The following UNC80 variants were observed in gnomAD, a reference collection of about 807,000 sequenced individuals.
UNC80 encodes unc-80 subunit of NALCN channel complex.
In UNC80, 164 loss-of-function variants were observed where a neutral mutation model predicts 384.6. The observed-to-expected ratio is 0.43, with a 90% CI of 0.38 to 0.49. UNC80 has a LOEUF of 0.49. Ranked by LOEUF, UNC80 falls within the 20% of genes least tolerant of loss-of-function variation. UNC80 has a pLI of 0.00. For synonymous variants in UNC80, 1,486 were observed against 1,527.8 expected (o/e 0.97, Z 0.64); for missense variants, 3,330 against 4,143.0 (o/e 0.80, Z 5.39).
chr2:209,827,662 A>T (rs118081175), intron 14 of UNC80, among the ~76,000 whole-genome samples: 1 of 152,306 alleles, frequency 6.6e-6, no homozygotes, highest in East Asian at 1.9e-4. Flanking sequence ...AGATATAAAT[A>T]TGGGAAATTT....
intron 39 of UNC80, 59 bp downstream of exon 39, chr2:209,934,064 T>C: frequency 7.0e-7 from 1 of 1,423,054 alleles, no homozygotes; most frequent in Non-Finnish European, 9.4e-7. Flanking sequence ...AATAGCCCTT[T>C]GAAAGACTAA....
chr2:209,978,316 G>T (rs2093063240), intron 58 of UNC80, among the ~76,000 whole-genome samples: 1 of 152,094 alleles, frequency 6.6e-6, no homozygotes, highest in South Asian at 2.1e-4. Context: ...TTATGTTCTG[G>T]CAAGGGAACT....
chr2:209,987,286 A>C (rs1376112027), intron 61 of UNC80, among the ~76,000 whole-genome samples: 1 of 152,104 alleles, frequency 6.6e-6, no homozygotes, highest in Non-Finnish European at 1.5e-5. Context: ...TGCCATACCT[A>C]TAGAAAATTA....
chr2:209,984,796 T>A (rs2093247239), intron 60 of UNC80, 60 bp from the exon 61 acceptor site: 1 of 1,483,980 alleles, frequency 6.7e-7, no homozygotes, highest in Non-Finnish European at 9.0e-7. Context: ...CTTTTTTCTT[T>A]TTTCTTTTTT....
chr2:209,789,778 T>A (rs1244533511), intron 6 of UNC80, among the ~76,000 whole-genome samples, 173 bp downstream of exon 6: 1 of 152,036 alleles, frequency 6.6e-6, no homozygotes, highest in Non-Finnish European at 1.5e-5. Flanking sequence ...TGAAAATTAA[T>A]TTTCTGTATC....
intron 56 of UNC80, among the ~76,000 whole-genome samples, chr2:209,974,837 G>C (rs2092970273): frequency 6.6e-6 from 1 of 152,246 alleles, no homozygotes. Context: ...GTGGAAAGTA[G>C]AATGGCAGAA....
intron 18 of UNC80, among the ~76,000 whole-genome samples, chr2:209,836,006 G>A (rs1335010636): frequency 6.6e-6 from 1 of 152,216 alleles, no homozygotes; most frequent in Non-Finnish European, 1.5e-5. Flanking sequence ...CATGGGCTCA[G>A]GGAACATGTG....
At chr2:209,921,153 G>A (rs139260664) in intron 33 of UNC80, among the ~76,000 whole-genome samples, 197 of 152,234 alleles carry the variant, frequency 1.3e-3, no homozygotes, top group Non-Finnish European at 2.0e-3. Context: ...TTTAAAAACA[G>A]TTCAAAACAT....
intron 13 of UNC80, among the ~76,000 whole-genome samples, chr2:209,823,824 A>C (rs1299529013): frequency 6.6e-6 from 1 of 152,042 alleles, no homozygotes; most frequent in Non-Finnish European, 1.5e-5. Flanking sequence ...CCAAGGTTAT[A>C]TAGTTAGTAA....
intron 23 of UNC80, among the ~76,000 whole-genome samples, chr2:209,875,081 T>G (rs369306382): frequency 3.9e-4 from 59 of 152,282 alleles, no homozygotes; most frequent in African/African-American, 1.4e-3. Flanking sequence ...TCTCCTCTCA[T>G]TTAATGCATC....
rs2079550082 is a variant in UNC80, at chr2:209,814,012, GCTTTAGCA to G, written c.1200+175_1200+182del. On this transcript the variant is annotated intron_variant, in intron 8 of 64. Transcript: ENST00000673920. ...ATCTTGCATGCTTGACCCTTTGCTG[GCTTTAGCA>G]CTTAATCATTTGAAGAAGTGCACCT... 3.3e-5 allele frequency among the ~76,000 whole-genome samples: 5 copies of G among 152,152 alleles called. No individual in the cohort carries two copies. The South Asian group carries it at 1.0e-3, about 32-fold the overall frequency.
Position 209,922,339 on chromosome 2 carries a change from G to T in UNC80, c.5618G>T (p.Arg1873Leu), listed in dbSNP as rs1051195562. 2.6e-6 allele frequency: 4 copies of T among 1,551,784 alleles called. No homozygotes were observed. Among genetic ancestry groups the T allele is most frequent in the Non-Finnish European group, 3.5e-6 (4 of 1,146,982 alleles). ...ACTTCCCACAGGAATTATTCCTTCCGCCGCGGGTCAGTCTGGTCAGTGCGT... is the reference window on the plus strand; with the variant it reads ...ACTTCCCACAGGAATTATTCCTTCCTCCGCGGGTCAGTCTGGTCAGTGCGT... ...SSTSHRNYSF[R>L]RGSVWSVRSA... The change falls in exon 35 of 65, where the codon CGC (arginine) becomes CTC (leucine). Residue 1873 changes from arginine to leucine, a missense_variant. Around this residue, in one of 8 missense-constraint regions of UNC80, gnomAD observed 1,049 missense variants for 1,488.6 expected, o/e 0.70. Coordinates refer to ENST00000673920, the MANE Select transcript of UNC80 (RefSeq NM_001371986.1).
rs745795669 is a variant in UNC80 at position 209,976,313 on chromosome 2, G to A, written c.8772+10G>A. Reference sequence around the variant, plus strand: ...TTTCATCCAGTGCAAGGTGTGGTGTGTGCTTCTCCTCCTGAAAGTGGCAAG... The same window carrying A: ...TTTCATCCAGTGCAAGGTGTGGTGTATGCTTCTCCTCCTGAAAGTGGCAAG... On this transcript the variant is annotated intron_variant, in intron 57 of 64. Transcript: ENST00000673920. The surrounding 1 kb of genome is among the most constrained non-coding windows in gnomAD (Gnocchi z 4.3). The A allele has an allele frequency of 2.1e-5, 32 of 1,551,662 alleles. No individual in the cohort carries two copies. Among genetic ancestry groups the A allele is most frequent in the Non-Finnish European group, 2.8e-5 (32 of 1,146,984 alleles).
intron 21 of UNC80, among the ~76,000 whole-genome samples, chr2:209,846,326 G>A (rs1219911659): frequency 6.6e-6 from 1 of 151,944 alleles, no homozygotes; most frequent in African/African-American, 2.4e-5. Context: ...TTTCTTTTGT[G>A]TTTTCATATT....
intron 51 of UNC80, among the ~76,000 whole-genome samples, chr2:209,966,739 C>G (rs376558059): frequency 2.6e-5 from 4 of 152,174 alleles, no homozygotes; most frequent in African/African-American, 9.7e-5. Flanking sequence ...CTGTATGGAA[C>G]CGAGTTGGGA....
At chr2:209,920,542 T>C (rs2089952403) in intron 33 of UNC80, among the ~76,000 whole-genome samples, 1 of 152,206 alleles carries the variant, frequency 6.6e-6, no homozygotes, top group Non-Finnish European at 1.5e-5. Context: ...TGATCCTTCA[T>C]CTATGGAGGA....
rs184936863 is a variant in UNC80 at position 209,793,474 on chromosome 2, A to G, written c.799-246A>G. Among the ~76,000 whole-genome samples the G allele has an allele frequency of 2.0e-5, 3 of 152,342 alleles. No individual in the cohort carries two copies. In the East Asian group the frequency reaches 5.8e-4, roughly 29 times the overall value. On this transcript the variant is annotated intron_variant, in intron 6 of 64. Coordinates refer to ENST00000673920, the MANE Select transcript of UNC80 (RefSeq NM_001371986.1). ...AGAAAATAATTAAGAATAAAATGAA[A>G]TAAAATATATGAAATTACTTTGCCT... is the stretch of plus-strand genomic sequence containing the variant.
At chr2:209,883,660 C>A (rs1574878597) in intron 25 of UNC80, among the ~76,000 whole-genome samples, 1 of 152,080 alleles carries the variant, frequency 6.6e-6, no homozygotes, top group East Asian at 1.9e-4. Context: ...GTCTTGATTT[C>A]CTGACCTCAT....
At chr2:209,920,309 C>T (rs2089933810) in intron 33 of UNC80, among the ~76,000 whole-genome samples, 1 of 152,224 alleles carries the variant, frequency 6.6e-6, no homozygotes, top group African/African-American at 2.4e-5. Flanking sequence ...CTGCCTGTCT[C>T]TTGAACCCTG....
Sources: gnomAD v4.1 joint callset for allele counts (sites outside exome capture counted in the v4.1 genomes callset) on GRCh38, gnomAD v4.1.1 for gene constraint, gnomAD v4.1.1 regional missense constraint, Gnocchi (gnomAD v3.1) non-coding constraint, MANE v1.5 for transcripts, NCBI Gene and HGNC (gene_info 2026-07-23, HGNC 2026-07-21) for gene names.